NFASC: variants seen among roughly 807,000 people sequenced by gnomAD.
The protein encoded by NFASC is neurofascin homolog.
A neutral mutation model predicts 147.5 loss-of-function variants in NFASC; 43 were observed. The observed-to-expected ratio is 0.29, with a 90% confidence interval of 0.23 to 0.38. NFASC has a LOEUF of 0.38. NFASC is among the 10% of genes least tolerant of loss of function. NFASC has a pLI of 1.00. For synonymous variants in NFASC, 622 were observed against 665.5 expected (o/e 0.93, Z 1.01); for missense variants, 1,320 against 1,689.0 (o/e 0.78, Z 3.83).
intron 8 of NFASC, among the ~76,000 whole-genome samples, chr1:204,966,006 C>T (rs139941908): frequency 2.6e-5 from 4 of 152,200 alleles, no homozygotes; most frequent in African/African-American, 9.7e-5. Context: ...ATGGAGCTGT[C>T]AGCACAGTGC....
intron 17 of NFASC, 40 bp from the exon 18 acceptor site, chr1:204,978,928 C>T (rs779094242): frequency 6.8e-7 from 1 of 1,478,148 alleles, no homozygotes; most frequent in South Asian, 1.2e-5. Flanking sequence ...GGTGGACCTG[C>T]TCTAACTCAG....
rs767645138 is a variant in NFASC, at chr1:204,975,279, A to G, written c.1567A>G (p.Arg523Gly). ...QVRLEVKDPT[R>G]IYRMPEDQVA... is the part of the protein sequence containing the mutation. Reference sequence around the variant, plus strand: ...TCTGGGCTTCTCCACAGACCCCACCAGGATCTACCGGATGCCCGAGGACCA... The same window carrying G: ...TCTGGGCTTCTCCACAGACCCCACCGGGATCTACCGGATGCCCGAGGACCA... Residue 523 changes from arginine to glycine, a missense_variant, in exon 15 of 30, where the codon AGG becomes GGG. Arg to Gly is a moderately radical substitution (Grantham distance 125). This residue lies in a region of NFASC where 981 missense variants were observed against 1,289.5 expected (regional missense o/e 0.76). Transcript: ENST00000339876. This position sits in a 1 kb window ranked among gnomAD's most constrained non-coding sequence, Gnocchi z 4.0. 3 of 1,612,308 alleles carry G rather than the reference A, an allele frequency of 1.9e-6. No individual in the cohort carries two copies. Among genetic ancestry groups the G allele is most frequent in the Non-Finnish European group, 2.5e-6 (3 of 1,178,906 alleles).
intron 1 of NFASC, among the ~76,000 whole-genome samples, chr1:204,841,071 C>T (rs750089): frequency 0.22 from 32,707 of 152,018 alleles, 5,296 homozygotes; most frequent in East Asian, 0.52. Context: ...CACGTCCTAA[C>T]GACCCTTTGG....
chr1:204,879,871 G>A (rs191957786), intron 1 of NFASC, among the ~76,000 whole-genome samples: 12 of 152,278 alleles, frequency 7.9e-5, no homozygotes, highest in Non-Finnish European at 1.6e-4. Flanking sequence ...AGGTATAAAG[G>A]GCAATTTCTG....
At position 205,016,266 on chromosome 1, in the gene NFASC, C is replaced by T; in HGVS notation, c.3492-42C>T. ...ATGTGCTGGCAGGAGGCCAGCTGCC[C>T]CATCTCACCCCACCTGAGATTCTCT... is the stretch of plus-strand genomic sequence containing the variant. On this transcript the variant is annotated intron_variant, in intron 29 of 29. Transcript: ENST00000339876. This position sits in a 1 kb window ranked among gnomAD's most constrained non-coding sequence, Gnocchi z 5.1. 2 of 1,412,624 alleles carry T rather than the reference C, an allele frequency of 1.4e-6. No homozygotes were observed. Among genetic ancestry groups the T allele is most frequent in the African/African-American group, 1.4e-5 (1 of 71,126 alleles). 87.5% of individuals were successfully genotyped at this position (1,412,624 alleles called of 1,614,324 possible).
At chr1:204,892,610 T>A (rs1424904683) in intron 1 of NFASC, among the ~76,000 whole-genome samples, 2 of 152,254 alleles carry the variant, frequency 1.3e-5, no homozygotes, top group Non-Finnish European at 2.9e-5. Flanking sequence ...CTGACCTGAA[T>A]TGAGATGAGC....
At chr1:204,996,930 C>T (rs568653748) in intron 24 of NFASC, among the ~76,000 whole-genome samples, 14 of 152,190 alleles carry the variant, frequency 9.2e-5, no homozygotes, top group South Asian at 6.2e-4. Context: ...CTGGGTGTTT[C>T]GAGCCACGCA....
At chr1:204,926,088 G>T (rs2802851) in intron 2 of NFASC, among the ~76,000 whole-genome samples, 1 of 151,012 alleles carries the variant, frequency 6.6e-6, no homozygotes. Flanking sequence ...CAAGATCTTA[G>T]CCCTAGGTCT....
At chr1:204,837,093 C>T (rs1673999332) in intron 1 of NFASC, among the ~76,000 whole-genome samples, 1 of 152,206 alleles carries the variant, frequency 6.6e-6, no homozygotes, top group African/African-American at 2.4e-5. Flanking sequence ...CTGGCAAAAG[C>T]TAGTTCTGGC....
At chr1:204,965,128 G>T (rs940284735) in intron 8 of NFASC, among the ~76,000 whole-genome samples, 1 of 152,174 alleles carries the variant, frequency 6.6e-6, no homozygotes. Context: ...TTAGCGTATG[G>T]ACTCTGAGTT....
intron 1 of NFASC, among the ~76,000 whole-genome samples, chr1:204,834,022 G>C (rs563564431): frequency 6.6e-6 from 1 of 152,302 alleles, no homozygotes; most frequent in South Asian, 2.1e-4. Flanking sequence ...ATGGAACTGA[G>C]CCTCGAAGAA....
intron 28 of NFASC, among the ~76,000 whole-genome samples, chr1:205,011,446 C>A (rs565547052): frequency 6.6e-6 from 1 of 152,326 alleles, no homozygotes; most frequent in Admixed American, 6.5e-5. Flanking sequence ...GCTGCCTCCT[C>A]CGTCTGACAG....
chr1:204,929,434 C>G (rs1010602236), intron 2 of NFASC: 9 of 152,312 alleles, frequency 5.9e-5, no homozygotes, highest in African/African-American at 2.2e-4. Flanking sequence ...ACTGGTTGAC[C>G]CCACACCGGC....
At chr1:204,998,077 A>AG (rs1375928702) in intron 25 of NFASC, 1 of 153,192 alleles carries the variant, frequency 6.5e-6, no homozygotes, top group Non-Finnish European at 1.5e-5. Context: ...TGGAGGGAAA[A>AG]TTACGGGCAT....
chr1:204,859,695 C>A (rs2076498002), intron 1 of NFASC, among the ~76,000 whole-genome samples: 1 of 152,186 alleles, frequency 6.6e-6, no homozygotes, highest in African/African-American at 2.4e-5. Flanking sequence ...TTTTTATGCA[C>A]ATTAAAATTC....
chr1:204,914,773 C>A (rs1041835432), intron 1 of NFASC, among the ~76,000 whole-genome samples: 3 of 152,182 alleles, frequency 2.0e-5, no homozygotes, highest in Non-Finnish European at 4.4e-5. Flanking sequence ...TCATGGAGAG[C>A]AACTTGGCTG....
intron 1 of NFASC, among the ~76,000 whole-genome samples, chr1:204,857,767 A>G (rs1240218106): frequency 6.6e-6 from 1 of 152,014 alleles, no homozygotes; most frequent in Non-Finnish European, 1.5e-5. Context: ...TTTCCCCACA[A>G]TTCTGGAAGC....
At position 205,002,756 on chromosome 1, in the gene NFASC, G is replaced by A; in HGVS notation, c.3289+8G>A. 1 of 1,458,602 alleles carries A rather than the reference G, an allele frequency of 6.9e-7. No individual in the cohort carries two copies. 90.4% of individuals were successfully genotyped at this position (1,458,602 alleles called of 1,614,324 possible). ...CCTTTATGACCAGTACAGGTGAGAG[G>A]GGACCTGGCCTGGCCATCCCCTGCA... is the stretch of plus-strand genomic sequence containing the variant. On this transcript the variant is annotated splice_region_variant and intron_variant, in intron 27 of 29. Coordinates refer to ENST00000339876, the MANE Select transcript of NFASC (RefSeq NM_001005388.3).
chr1:204,842,578 C>T (rs868418531), intron 1 of NFASC, among the ~76,000 whole-genome samples: 1 of 152,180 alleles, frequency 6.6e-6, no homozygotes, highest in Non-Finnish European at 1.5e-5. Flanking sequence ...AAAACAAATC[C>T]CCTGTCACCC....
Sources: gnomAD v4.1 joint callset for allele counts (sites outside exome capture counted in the v4.1 genomes callset) on GRCh38, gnomAD v4.1.1 for gene constraint, gnomAD v4.1.1 regional missense constraint, Gnocchi (gnomAD v3.1) non-coding constraint, MANE v1.5 for transcripts, NCBI Gene and HGNC (gene_info 2026-07-23, HGNC 2026-07-21) for gene names.